Variants in CNIH4 observed in about 807,000 individuals in gnomAD.
CNIH4 encodes the protein cornichon family member 4, also known as protein cornichon homolog 4.
Under a neutral mutation model 21.5 loss-of-function variants are expected in CNIH4, and 9 were observed. That is an observed-to-expected ratio of 0.42 (90% confidence interval 0.25 to 0.73). The LOEUF (loss-of-function observed/expected upper bound fraction) is 0.73. Ranked by LOEUF, CNIH4 falls within the 30% of genes least tolerant of loss-of-function variation. The pLI is 0.27. For synonymous variants in CNIH4, 67 were observed against 59.1 expected, an observed-to-expected ratio of 1.13 and a Z score of -0.61; for missense variants, 159 against 170.0, an observed-to-expected ratio of 0.94 and a Z score of 0.36.
chr1:224,375,762 A>G (rs1310232998), intron 4 of CNIH4, 33 bp from the exon 5 acceptor site: 1 of 1,613,558 alleles, frequency 6.2e-7, no homozygotes, highest in Non-Finnish European at 8.5e-7. Flanking sequence ...TTCCTGAGAA[A>G]ACATTAGTGA....
chr1:224,356,983 C>T lies in CNIH4; in HGVS notation c.59C>T (p.Ser20Leu), dbSNP rs763071837. The change falls in exon 1 of 5, where the codon TCG becomes TTG. Residue 20 changes from serine (S) to leucine (L), a missense_variant. Coordinates refer to ENST00000465271, the MANE Select transcript of CNIH4 (RefSeq NM_014184.4). Reference protein sequence around the residue: ...LLDCCALIFLSVYFIITLSDL... With the variant: ...LLDCCALIFLLVYFIITLSDL... ...GATTGTTGCGCGCTCATCTTCCTCT[C>T]GGTCTACTTCGTATCCTTGCCTGAG... 12 of 1,611,668 alleles carry T rather than the reference C, an allele frequency of 7.4e-6. No individual in the cohort carries two copies. In the East Asian group the frequency reaches 1.3e-4, roughly 18 times the overall value.
chr1:224,372,037 G>T (rs961633785), intron 4 of CNIH4, among the ~76,000 whole-genome samples: 1 of 152,104 alleles, frequency 6.6e-6, no homozygotes, highest in Non-Finnish European at 1.5e-5. Flanking sequence ...CCCACTCATG[G>T]TCTTTGGGGG....
Position 224,379,367 on chromosome 1 carries a change from T to C in CNIH4, c.*3545T>C. The C allele has an allele frequency of 2.2e-6, 1 of 459,352 alleles. No homozygotes were observed. Among genetic ancestry groups the C allele is most frequent in the African/African-American group, 2.0e-5 (1 of 50,896 alleles). 28.5% of individuals were successfully genotyped at this position (459,352 alleles called of 1,614,324 possible). A position where few individuals can be genotyped will look rare whatever the true frequency, so the allele number is the denominator to read the frequency against. ...CTGGAGGGCAGAATATGCCCATTCA[T>C]ATTTGTATCTTCTTCCTTCTGCTCT... On this transcript the variant is annotated 3_prime_UTR_variant, in exon 5 of 5. Coordinates refer to ENST00000465271, the MANE Select transcript of CNIH4 (RefSeq NM_014184.4).
intron 2 of CNIH4, among the ~76,000 whole-genome samples, chr1:224,365,169 A>T (rs7529067): frequency 0.69 from 104,376 of 152,020 alleles, 38,263 homozygotes; most frequent in East Asian, 0.99. Context: ...TTCATTAAAT[A>T]TTAACTTCCA....
chr1:224,366,948 C>T (rs868601338), intron 3 of CNIH4, among the ~76,000 whole-genome samples: 17 of 146,272 alleles, frequency 1.2e-4, no homozygotes, highest in Middle Eastern at 7.4e-3. Context: ...GGCGACAGAG[C>T]GAGACTCCGT....
intron 1 of CNIH4, among the ~76,000 whole-genome samples, chr1:224,358,043 G>C (rs193128923): frequency 1.3e-5 from 2 of 152,190 alleles, no homozygotes; most frequent in Non-Finnish European, 2.9e-5. Context: ...GCGGGCTTTA[G>C]GATAGTCGTA....
At chr1:224,364,230 TAAAAC>T (rs1672383941) in intron 2 of CNIH4, 1 of 906,624 alleles carries the variant, frequency 1.1e-6, no homozygotes, top group African/African-American at 2.0e-5. Context: ...TCTACAAAAA[TAAAAC>T]AAGAGGAAAA....
intron 3 of CNIH4, among the ~76,000 whole-genome samples, chr1:224,370,699 G>C (rs1672597317): frequency 6.6e-6 from 1 of 152,150 alleles, no homozygotes; most frequent in Non-Finnish European, 1.5e-5. Flanking sequence ...CTACAGATGA[G>C]TAAAAGGGTT....
At chr1:224,369,903 A>C (rs1025194345) in intron 3 of CNIH4, among the ~76,000 whole-genome samples, 3 of 151,894 alleles carry the variant, frequency 2.0e-5, no homozygotes, top group African/African-American at 7.3e-5. Context: ...CTTGAACTCA[A>C]CCTCAGGCAA....
chr1:224,371,762 G>A (rs766687419), intron 4 of CNIH4, among the ~76,000 whole-genome samples: 7 of 152,134 alleles, frequency 4.6e-5, no homozygotes, highest in Non-Finnish European at 1.0e-4. Flanking sequence ...GACCAACATG[G>A]AGAAACACCG....
intron 4 of CNIH4, among the ~76,000 whole-genome samples, chr1:224,373,876 A>G (rs904557098): frequency 6.6e-6 from 1 of 152,132 alleles, no homozygotes; most frequent in Non-Finnish European, 1.5e-5. Flanking sequence ...GGAGGAATTA[A>G]GATGTAATTT....
chr1:224,371,757 A>G (rs1303535613), intron 4 of CNIH4, among the ~76,000 whole-genome samples: 3 of 152,186 alleles, frequency 2.0e-5, no homozygotes, highest in African/African-American at 7.2e-5. Flanking sequence ...AGCCTGACCA[A>G]CATGGAGAAA....
At position 224,379,083 on chromosome 1, in the gene CNIH4, C is replaced by G; in HGVS notation, c.*3261C>G. ...TATCCTTTCAGTGGTAGCAACTGCCCTTGCTAATCACCGTAACCTCGGCTG... is the reference window on the plus strand; with the variant it reads ...TATCCTTTCAGTGGTAGCAACTGCCGTTGCTAATCACCGTAACCTCGGCTG... On this transcript the variant is annotated 3_prime_UTR_variant, in exon 5 of 5. Transcript: ENST00000465271. 6.4e-7 allele frequency: 1 copy of G among 1,550,538 alleles called. No individual in the cohort carries two copies. The highest frequency in any genetic ancestry group is 8.7e-7 in the Non-Finnish European group (1 of 1,146,952).
At chr1:224,373,297 C>T (rs925175538) in intron 4 of CNIH4, among the ~76,000 whole-genome samples, 12 of 152,104 alleles carry the variant, frequency 7.9e-5, no homozygotes, top group African/African-American at 2.9e-4. Flanking sequence ...AGACAAAAAA[C>T]AAGCTGGAAT....
At chr1:224,357,043 G>A (rs1293950080) in intron 1 of CNIH4, 50 bp downstream of exon 1, 21 of 1,579,586 alleles carry the variant, frequency 1.3e-5, no homozygotes, top group African/African-American at 2.7e-5. Context: ...CACGGCTGAG[G>A]GTGGGCCAGT....
Position 224,378,362 on chromosome 1 carries a change from AGGGG to A in CNIH4, c.*2541_*2544del, listed in dbSNP as rs1445928630. 6.6e-6 allele frequency: 1 copy of A among 152,238 alleles called. No individual in the cohort carries two copies. The highest frequency in any genetic ancestry group is 1.5e-5 in the Non-Finnish European group (1 of 68,040). The allele number at this position is 152,238 out of a possible 1,614,324, so 9.4% of individuals were successfully genotyped here. On this transcript the variant is annotated 3_prime_UTR_variant, in exon 5 of 5. Transcript: ENST00000465271. ...CGCCCAGCTCAAAAACAATTTTTTT[AGGGG>A]CACTTCTACAAATCATGAAAGGGGG...
At chr1:224,373,763 G>T (rs1672702417) in intron 4 of CNIH4, among the ~76,000 whole-genome samples, 1 of 152,002 alleles carries the variant, frequency 6.6e-6, no homozygotes, top group South Asian at 2.1e-4. Flanking sequence ...GGGAGGTGGA[G>T]GTTGCGGTGA....
chr1:224,367,524 A>ATT (rs770314664), intron 3 of CNIH4, among the ~76,000 whole-genome samples: 3 of 142,898 alleles, frequency 2.1e-5, no homozygotes, highest in African/African-American at 5.1e-5. Context: ...TGGGTTCTGA[A>ATT]TTTTTTTTTT....
chr1:224,375,795 T>G lies in CNIH4; in HGVS notation c.393T>G (p.Ser131Arg). Residue 131 changes from serine to arginine, a missense_variant and splice_region_variant, in exon 5 of 5, where the codon AGT becomes AGG. Physicochemically the swap from Ser to Arg is moderately radical, Grantham distance 110 (BLOSUM62 -1). Coordinates refer to ENST00000465271, the MANE Select transcript of CNIH4 (RefSeq NM_014184.4). ...HLLCFFMYLY[S>R]MILALIND ...TGACATTCATTTCTTCTTTCCACAGTATGATCTTAGCTTTGATAAATGACT... is the reference window on the plus strand; with the variant it reads ...TGACATTCATTTCTTCTTTCCACAGGATGATCTTAGCTTTGATAAATGACT... 1.9e-6 allele frequency: 3 copies of G among 1,614,110 alleles called. No individual in the cohort carries two copies. The South Asian group carries it at 3.3e-5, about 18-fold the overall frequency.
Sources: gnomAD v4.1 joint callset for allele counts (sites outside exome capture counted in the v4.1 genomes callset) on GRCh38, gnomAD v4.1.1 for gene constraint, MANE v1.5 for transcripts, NCBI Gene and HGNC (gene_info 2026-07-23, HGNC 2026-07-21) for gene names.